AGBL4: variants seen among roughly 807,000 people sequenced by gnomAD.
AGBL4 encodes AGBL carboxypeptidase 4.
Under a neutral mutation model 66.4 loss-of-function variants are expected in AGBL4, and 58 were observed. That is an observed-to-expected ratio of 0.87 (90% CI 0.71 to 1.09). AGBL4 has a LOEUF of 1.09. Ranked by LOEUF, AGBL4 falls within the 50% of genes least tolerant of loss-of-function variation. AGBL4 has a pLI of 0.00. For missense variants in AGBL4, 579 were observed against 631.0 expected (o/e 0.92, Z 0.88); for synonymous variants, 234 against 222.9 (o/e 1.05, Z -0.44).
At chr1:49,478,292 A>G (rs1372577379) in intron 3 of AGBL4, among the ~76,000 whole-genome samples, 2 of 152,006 alleles carry the variant, frequency 1.3e-5, no homozygotes, top group Admixed American at 1.3e-4. Context: ...AAGGTCAAGG[A>G]TAAAAAAAGG....
intron 2 of AGBL4, among the ~76,000 whole-genome samples, chr1:49,743,349 T>C (rs992707484): frequency 1.4e-4 from 22 of 152,076 alleles, no homozygotes; most frequent in Admixed American, 3.9e-4. Context: ...AAAACCACAA[T>C]GAGATACCAT....
chr1:49,898,880 T>A (rs1424914391), intron 1 of AGBL4, among the ~76,000 whole-genome samples: 1 of 152,140 alleles, frequency 6.6e-6, no homozygotes, highest in Non-Finnish European at 1.5e-5. Flanking sequence ...AAGACAAACT[T>A]CTTACATTCT....
chr1:48,867,717 A>G (rs151136146), intron 5 of AGBL4, among the ~76,000 whole-genome samples: 4 of 152,296 alleles, frequency 2.6e-5, no homozygotes, highest in Middle Eastern at 3.4e-3. Flanking sequence ...ATATTTCTAG[A>G]TTGGTTTCAT....
chr1:49,649,515 T>A (rs1195087460), intron 3 of AGBL4, among the ~76,000 whole-genome samples: 1 of 152,156 alleles, frequency 6.6e-6, no homozygotes, highest in African/African-American at 2.4e-5. Context: ...GATCCACTAT[T>A]ATGGTTGGAA....
intron 4 of AGBL4, among the ~76,000 whole-genome samples, chr1:49,237,295 T>C (rs1202754367): frequency 6.7e-6 from 1 of 149,526 alleles, no homozygotes; most frequent in Non-Finnish European, 1.5e-5. Flanking sequence ...CCCCAAAAAA[T>C]GGGAGTTTCC....
At chr1:49,389,251 T>TA in intron 3 of AGBL4, among the ~76,000 whole-genome samples, 1 of 152,146 alleles carries the variant, frequency 6.6e-6, no homozygotes, top group East Asian at 1.9e-4. Flanking sequence ...ATTTTTTTTT[T>TA]ATGTGTAAAA....
chr1:48,990,322 TC>T (rs1660508183), intron 5 of AGBL4, among the ~76,000 whole-genome samples: 1 of 152,202 alleles, frequency 6.6e-6, no homozygotes, highest in South Asian at 2.1e-4. Flanking sequence ...AATATTTTTC[TC>T]CCATTTTATG....
At chr1:48,779,704 C>CTTTTTTTTTTTTTTTTTTTTTT (rs200375125) in intron 6 of AGBL4, among the ~76,000 whole-genome samples, 1 of 137,182 alleles carries the variant, frequency 7.3e-6, no homozygotes, top group African/African-American at 2.8e-5. Flanking sequence ...CTGTTCCTCT[C>CTTTTTTTTTTTTTTTTTTTTTT]TTTTTTTTTT....
Position 49,484,211 on chromosome 1 carries a change from T to C in AGBL4, c.282+213102A>G, listed in dbSNP as rs991295959. 6.6e-5 allele frequency among the ~76,000 whole-genome samples: 10 copies of C among 151,652 alleles called. No homozygotes were observed. The South Asian group carries it at 8.4e-4, about 13-fold the overall frequency. ...TTGGAAGTTCTTCAGAAACTACAGA[T>C]AGAGCTATGTTATGATCCAGCAATC... On this transcript the variant is annotated intron_variant, in intron 3 of 13. Transcript: ENST00000371839.
At chr1:49,122,198 C>T (rs747985259) in intron 4 of AGBL4, among the ~76,000 whole-genome samples, 4 of 152,184 alleles carry the variant, frequency 2.6e-5, no homozygotes, top group African/African-American at 7.2e-5. Flanking sequence ...TGCTTTGCCT[C>T]GCCCTCCATG....
intron 4 of AGBL4, among the ~76,000 whole-genome samples, chr1:49,171,307 A>G (rs1011650446): frequency 1.3e-5 from 2 of 152,174 alleles, no homozygotes; most frequent in African/African-American, 4.8e-5. Context: ...TAGTGGGTGG[A>G]CAGATATGAG....
chr1:49,276,684 T>C (rs187486149), intron 3 of AGBL4, among the ~76,000 whole-genome samples: 2 of 152,282 alleles, frequency 1.3e-5, no homozygotes, highest in African/African-American at 4.8e-5. Flanking sequence ...AAAGACCATC[T>C]TTGCTAGTCA....
chr1:49,601,655 G>A (rs1202852637), intron 3 of AGBL4, among the ~76,000 whole-genome samples: 1 of 152,008 alleles, frequency 6.6e-6, no homozygotes, highest in East Asian at 1.9e-4. Context: ...GCCATATGCA[G>A]AAAACTGAAA....
intron 2 of AGBL4, among the ~76,000 whole-genome samples, chr1:49,833,532 A>C (rs1049143035): frequency 2.6e-5 from 4 of 151,884 alleles, no homozygotes; most frequent in African/African-American, 9.7e-5. Flanking sequence ...CTGTGAAGAA[A>C]GTCATTGGTA....
chr1:48,906,442 G>A (rs1652595048), intron 5 of AGBL4, among the ~76,000 whole-genome samples: 1 of 152,114 alleles, frequency 6.6e-6, no homozygotes, highest in Admixed American at 6.6e-5. Context: ...GTCTTATAAA[G>A]TATGTGAGGG....
At chr1:48,679,873 G>A (rs180838713) in intron 6 of AGBL4, among the ~76,000 whole-genome samples, 167 of 152,294 alleles carry the variant, frequency 1.1e-3, no homozygotes, top group Non-Finnish European at 1.9e-3. Context: ...TGATCTCTGC[G>A]GCCAGAGGCC....
intron 6 of AGBL4, among the ~76,000 whole-genome samples, chr1:48,702,826 A>T (rs1646823567): frequency 6.6e-6 from 1 of 152,226 alleles, no homozygotes; most frequent in Non-Finnish European, 1.5e-5. Flanking sequence ...CGTAGTCAGA[A>T]AATCTAGAAG....
At chr1:48,952,527 A>G (rs1319570950) in intron 5 of AGBL4, among the ~76,000 whole-genome samples, 1 of 152,374 alleles carries the variant, frequency 6.6e-6, no homozygotes, top group Non-Finnish European at 1.5e-5. Flanking sequence ...GGTAAGATTC[A>G]AAAGCAAGAG....
chr1:48,672,519 T>G (rs1242827844), intron 6 of AGBL4, among the ~76,000 whole-genome samples: 2 of 152,238 alleles, frequency 1.3e-5, no homozygotes, highest in Non-Finnish European at 2.9e-5. Flanking sequence ...TATTGTCACC[T>G]GAGGGTCTCA....
Sources: gnomAD v4.1 joint callset for allele counts (sites outside exome capture counted in the v4.1 genomes callset) on GRCh38, gnomAD v4.1.1 for gene constraint, MANE v1.5 for transcripts, NCBI Gene and HGNC (gene_info 2026-07-23, HGNC 2026-07-21) for gene names.